Variants in EIF1 observed in about 807,000 individuals in gnomAD.
The protein encoded by EIF1 is protein translation factor SUI1 homolog.
Under a neutral mutation model 13.7 loss-of-function variants are expected in EIF1, and 4 were observed. That is an observed-to-expected ratio of 0.29 (90% confidence interval 0.14 to 0.67). The LOEUF is 0.67. Among genes scored for constraint, EIF1 ranks in the 30% least tolerant of loss-of-function variants. EIF1 has a pLI of 0.77. For synonymous variants in EIF1, 67 were observed against 50.7 expected (o/e 1.32, Z -1.37); for missense variants, 64 against 138.0 (o/e 0.46, Z 2.69).
chr17:41,689,397 G>C (rs962935520), intron 1 of EIF1: 2 of 521,614 alleles, frequency 3.8e-6, no homozygotes, highest in East Asian at 3.3e-5. Flanking sequence ...CGTTGTCACG[G>C]ATCCGGAGGG....
At chr17:41,690,662 T>C (rs1431449129) in intron 3 of EIF1, 120 bp from the exon 4 acceptor site, 3 of 1,052,522 alleles carry the variant, frequency 2.9e-6, no homozygotes, top group African/African-American at 1.6e-5. Flanking sequence ...GTTGAACCAT[T>C]GTGCGCACCC....
intron 1 of EIF1, chr17:41,689,297 C>T (rs1334091598): frequency 1.3e-5 from 8 of 602,810 alleles, no homozygotes; most frequent in East Asian, 5.6e-5. Flanking sequence ...CCCGGCGTCT[C>T]AGTGGCGCAT....
intron 1 of EIF1, 109 bp downstream of exon 1, chr17:41,689,178 AG>A (rs1382401636): frequency 1.5e-6 from 2 of 1,308,126 alleles, no homozygotes; most frequent in African/African-American, 2.9e-5. Context: ...AAGCTCGGGC[AG>A]GGGAAACTTG....
chr17:41,690,479 G>A (rs985753992), intron 3 of EIF1: 4 of 547,220 alleles, frequency 7.3e-6, no homozygotes, highest in African/African-American at 1.9e-5. Flanking sequence ...GTAAGGACAT[G>A]AGTTTTTAAA....
In EIF1 at chr17:41,688,971, C is replaced by T. The variant is rs988612688; in HGVS notation, c.-68C>T. 6.4e-7 allele frequency: 1 copy of T among 1,558,918 alleles called. No homozygotes were observed. Among genetic ancestry groups the T allele is most frequent in the Non-Finnish European group, 8.8e-7 (1 of 1,134,894 alleles). ...CCGACGTTCCGTTCCCCCCTGCCCG[C>T]CTTCTCCCGCCACCGCCGCCGCCGC... is the stretch of plus-strand genomic sequence containing the variant. On this transcript the variant is annotated 5_prime_UTR_variant, in exon 1 of 4. Transcript: ENST00000469257.
In EIF1 at chr17:41,690,679, C is replaced by T. The variant is rs937875823; in HGVS notation, c.298-103C>T. On this transcript the variant is annotated intron_variant, in intron 3 of 3. Transcript: ENST00000469257. ...TGAACCATTGTGCGCACCCCTGGCTCTTGGGCAGTGTAGTAGCAGGAAGAC... is the reference window on the plus strand; with the variant it reads ...TGAACCATTGTGCGCACCCCTGGCTTTTGGGCAGTGTAGTAGCAGGAAGAC... The T allele has an allele frequency of 7.5e-6, 10 of 1,335,430 alleles. No homozygotes were observed. In the African/African-American group the frequency reaches 1.5e-4, roughly 19 times the overall value. The allele number at this position is 1,335,430 out of a possible 1,614,324, so 82.7% of individuals were successfully genotyped here.
chr17:41,690,622 A>G, intron 3 of EIF1, 160 bp from the exon 4 acceptor site: 1 of 678,270 alleles, frequency 1.5e-6, no homozygotes. Flanking sequence ...TGAGTGTTCA[A>G]AAAAGGTAGC....
Position 41,690,859 on chromosome 17 carries a change from T to C in EIF1, c.*33T>C, listed in dbSNP as rs1910355788. On this transcript the variant is annotated 3_prime_UTR_variant, in exon 4 of 4. Coordinates refer to ENST00000469257, the MANE Select transcript of EIF1 (RefSeq NM_005801.4). ...TGGCTCACTGAAGCTTAAGTGAGGA[T>C]TTCCTTGCAATGAGTAGAATTTCCC... 3 of 1,611,290 alleles carry C rather than the reference T, an allele frequency of 1.9e-6. No individual in the cohort carries two copies. Among genetic ancestry groups the C allele is most frequent in the Admixed American group, 1.7e-5 (1 of 59,958 alleles).
At chr17:41,689,592 C>T (rs915903113) in intron 1 of EIF1, 186 bp from the exon 2 acceptor site, 1 of 544,072 alleles carries the variant, frequency 1.8e-6, no homozygotes, top group South Asian at 2.9e-5. Context: ...GTTCCCCGAG[C>T]CTGGGGAAGC....
rs1910355361 is a variant in EIF1, at chr17:41,690,847, C to T, written c.*21C>T. ...TTTAAGTGCTTGTGGCTCACTGAAG[C>T]TTAAGTGAGGATTTCCTTGCAATGA... On this transcript the variant is annotated 3_prime_UTR_variant, in exon 4 of 4. Transcript: ENST00000469257. 1.2e-6 allele frequency: 2 copies of T among 1,612,846 alleles called. No homozygotes were observed. The highest frequency in any genetic ancestry group is 1.7e-6 in the Non-Finnish European group (2 of 1,179,598).
chr17:41,689,608 G>T lies in EIF1; in HGVS notation c.32-170G>T, dbSNP rs1910310593. The T allele has an allele frequency of 6.5e-6, 4 of 617,302 alleles. No homozygotes were observed. The Admixed American group carries it at 1.1e-4, about 17-fold the overall frequency. The allele number at this position is 617,302 out of a possible 1,614,324, so 38.2% of individuals were successfully genotyped here. On this transcript the variant is annotated intron_variant, in intron 1 of 3. Coordinates refer to ENST00000469257, the MANE Select transcript of EIF1 (RefSeq NM_005801.4). The stretch of plus-strand genomic sequence containing the variant: ...TTCCCCGAGCCTGGGGAAGCTGGCC[G>T]TCCCGGACTGACCTGCTCGGGGAGA...
chr17:41,689,566 G>A, intron 1 of EIF1: 2 of 513,756 alleles, frequency 3.9e-6, no homozygotes, highest in Non-Finnish European at 6.8e-6. Flanking sequence ...TCCCAGGGAG[G>A]GCGGGAGGCC....
rs994338468 is a variant in EIF1 at position 41,688,936 on chromosome 17, C to T, written c.-103C>T. 1.7e-5 allele frequency: 21 copies of T among 1,231,054 alleles called. No individual in the cohort carries two copies. Among genetic ancestry groups the T allele is most frequent in the African/African-American group, 1.5e-4 (10 of 67,832 alleles). 76.3% of individuals were successfully genotyped at this position (1,231,054 alleles called of 1,614,324 possible). ...GATTCAGCAGCCTCCCCCTTGAGCCCCCTCGCTTCCCGACGTTCCGTTCCC... is the reference window on the plus strand; with the variant it reads ...GATTCAGCAGCCTCCCCCTTGAGCCTCCTCGCTTCCCGACGTTCCGTTCCC... On this transcript the variant is annotated 5_prime_UTR_variant, in exon 1 of 4. Coordinates refer to ENST00000469257, the MANE Select transcript of EIF1 (RefSeq NM_005801.4).
In EIF1 at chr17:41,692,134, T is replaced by C. The variant is rs1255978575; in HGVS notation, c.*1308T>C. On this transcript the variant is annotated 3_prime_UTR_variant, in exon 4 of 4. Transcript: ENST00000469257. ...TGCAAGCATTTAGCCAGAGTCATGC[T>C]GTGCTGTTAATCAGTGTCCTGGAGA... 2 of 152,270 alleles carry C rather than the reference T, an allele frequency of 1.3e-5. No individual in the cohort carries two copies. The highest frequency in any genetic ancestry group is 2.9e-5 in the Non-Finnish European group (2 of 68,084). 9.4% of individuals were successfully genotyped at this position (152,270 alleles called of 1,614,324 possible).
chr17:41,690,607 G>A, intron 3 of EIF1, 175 bp from the exon 4 acceptor site: 1 of 618,868 alleles, frequency 1.6e-6, no homozygotes, highest in Non-Finnish European at 2.9e-6. Flanking sequence ...AACCTTGGAA[G>A]GCACTGAGTG....
chr17:41,690,477 A>T, intron 3 of EIF1: 1 of 549,124 alleles, frequency 1.8e-6, no homozygotes, highest in Non-Finnish European at 3.2e-6. Context: ...TTGTAAGGAC[A>T]TGAGTTTTTA....
intron 3 of EIF1, 117 bp from the exon 4 acceptor site, chr17:41,690,665 G>C (rs1167684452): frequency 9.2e-7 from 1 of 1,088,470 alleles, no homozygotes; most frequent in Non-Finnish European, 1.4e-6. Context: ...GAACCATTGT[G>C]CGCACCCCTG....
chr17:41,689,766 C>CTTT lies in EIF1; in HGVS notation c.32-6_32-4dup. 2 of 1,584,258 alleles carry CTTT rather than the reference C, an allele frequency of 1.3e-6. No individual in the cohort carries two copies. The highest frequency in any genetic ancestry group is 1.7e-6 in the Non-Finnish European group (2 of 1,163,708). On this transcript the variant is annotated splice_polypyrimidine_tract_variant and intron_variant, in intron 1 of 3. Transcript: ENST00000469257. Reference sequence around the variant, plus strand: ...TTTGACAGCTCTGAACGAGCTTAACCTTTTTTTTCAGACCCCTTTGCTGAT... The same window carrying CTTT: ...TTTGACAGCTCTGAACGAGCTTAACCTTTTTTTTTTTCAGACCCCTTTGCTGAT...
intron 1 of EIF1, chr17:41,689,286 G>A (rs1408173273): frequency 9.8e-6 from 6 of 612,200 alleles, no homozygotes; most frequent in Non-Finnish European, 1.7e-5. Flanking sequence ...CCTTGGGCGG[G>A]CCCGGCGTCT....
Sources: gnomAD v4.1 joint callset for allele counts on GRCh38, gnomAD v4.1.1 for gene constraint, MANE v1.5 for transcripts, NCBI Gene and HGNC (gene_info 2026-07-23, HGNC 2026-07-21) for gene names.